NFIA: variants seen among roughly 807,000 people sequenced by gnomAD.
The protein encoded by NFIA is nuclear factor 1 A-type.
A neutral mutation model predicts 62.8 loss-of-function variants in NFIA; 8 were observed. The observed-to-expected ratio is 0.13, with a 90% CI of 0.07 to 0.23. The LOEUF (loss-of-function observed/expected upper bound fraction) is 0.23. Among genes scored for constraint, NFIA ranks in the 10% least tolerant of loss-of-function variants. The pLI is 1.00. For missense variants in NFIA, 410 were observed against 642.1 expected (o/e 0.64, Z 3.91); for synonymous variants, 235 against 238.1 (o/e 0.99, Z 0.12).
chr1:61,091,165 A>AT (rs1231887532), intron 2 of NFIA, among the ~76,000 whole-genome samples: 7 of 151,936 alleles, frequency 4.6e-5, no homozygotes, highest in Non-Finnish European at 5.9e-5. Context: ...AAATTGTTAT[A>AT]TTTTTTTCCT....
chr1:61,346,183 A>G (rs1662218181), intron 4 of NFIA, among the ~76,000 whole-genome samples: 1 of 152,222 alleles, frequency 6.6e-6, no homozygotes, highest in Non-Finnish European at 1.5e-5. Context: ...CCCAGAGTCA[A>G]TTACAAATGG....
intron 9 of NFIA, among the ~76,000 whole-genome samples, chr1:61,408,389 T>C (rs1665948512): frequency 6.7e-6 from 1 of 148,662 alleles, no homozygotes; most frequent in African/African-American, 2.4e-5. Context: ...GCTCGTTGTG[T>C]ATTTATGTAA....
chr1:61,352,641 A>G (rs1662606246), intron 5 of NFIA, 74 bp downstream of exon 5: 4 of 1,171,314 alleles, frequency 3.4e-6, no homozygotes, highest in Non-Finnish European at 5.1e-6. Context: ...TGGGCCCACT[A>G]TGGATTTAGC....
chr1:61,359,768 C>CTT (rs1663182508), intron 6 of NFIA, among the ~76,000 whole-genome samples: 1 of 151,784 alleles, frequency 6.6e-6, no homozygotes, highest in Non-Finnish European at 1.5e-5. Flanking sequence ...TTAGTAGAGA[C>CTT]GGGGTTTCAC....
chr1:61,418,880 T>C (rs1483242880), intron 9 of NFIA, among the ~76,000 whole-genome samples: 1 of 152,236 alleles, frequency 6.6e-6, no homozygotes, highest in East Asian at 1.9e-4. Context: ...GATCTAAGTT[T>C]CTTTTTTTAG....
At chr1:61,269,411 C>T (rs1657378126) in intron 2 of NFIA, among the ~76,000 whole-genome samples, 1 of 152,156 alleles carries the variant, frequency 6.6e-6, no homozygotes, top group Non-Finnish European at 1.5e-5. Context: ...TGATGCAATT[C>T]ACCATTCTGA....
chr1:61,089,695 C>CTTTTTTTTTTTTTTTTT (rs918196815), intron 2 of NFIA, among the ~76,000 whole-genome samples: 5 of 107,768 alleles, frequency 4.6e-5, no homozygotes, highest in East Asian at 2.6e-4. Flanking sequence ...GTTTTTTTTT[C>CTTTTTTTTTTTTTTTTT]TTTTTTTTTT....
intron 10 of NFIA, among the ~76,000 whole-genome samples, chr1:61,451,759 T>C (rs1278051191): frequency 6.6e-6 from 1 of 152,196 alleles, no homozygotes; most frequent in East Asian, 1.9e-4. Flanking sequence ...TATTGCATTG[T>C]AATAATGCCA....
intron 2 of NFIA, among the ~76,000 whole-genome samples, chr1:61,137,668 A>T (rs1056910227): frequency 2.6e-5 from 4 of 152,084 alleles, no homozygotes; most frequent in Non-Finnish European, 4.4e-5. Context: ...AAGCTCCTCT[A>T]GTGATTCCAG....
At chr1:61,326,348 G>T (rs1290569867) in intron 3 of NFIA, among the ~76,000 whole-genome samples, 1 of 152,202 alleles carries the variant, frequency 6.6e-6, no homozygotes, top group Non-Finnish European at 1.5e-5. Flanking sequence ...TTAGTTTGGA[G>T]GGAATATGTG....
intron 3 of NFIA, among the ~76,000 whole-genome samples, chr1:61,319,038 T>A (rs539358789): frequency 8.5e-5 from 13 of 152,272 alleles, no homozygotes; most frequent in African/African-American, 2.6e-4. Flanking sequence ...TTCAGAGCAG[T>A]GTCAGCAAGT....
intron 5 of NFIA, among the ~76,000 whole-genome samples, chr1:61,355,389 T>G (rs1382012496): frequency 1.3e-5 from 2 of 152,150 alleles, no homozygotes; most frequent in African/African-American, 4.8e-5. Flanking sequence ...AGGGTAAACA[T>G]CTTCAAAATC....
intron 2 of NFIA, among the ~76,000 whole-genome samples, chr1:61,143,328 G>GCTA (rs1321429583): frequency 6.6e-6 from 1 of 152,112 alleles, no homozygotes; most frequent in Admixed American, 6.5e-5. Context: ...GTTAATCATA[G>GCTA]CTACCACTTA....
chr1:61,418,234 C>G (rs1666444887), intron 9 of NFIA, among the ~76,000 whole-genome samples: 1 of 152,108 alleles, frequency 6.6e-6, no homozygotes, highest in Non-Finnish European at 1.5e-5. Context: ...GAGGCTGAGA[C>G]AGGAAGATGG....
intron 6 of NFIA, among the ~76,000 whole-genome samples, chr1:61,378,252 T>G (rs183151599): frequency 6.0e-4 from 91 of 152,350 alleles, no homozygotes; most frequent in African/African-American, 1.9e-3. Context: ...GAATTTGAGT[T>G]TTTTTCCCAC....
In NFIA at chr1:61,462,024, G is replaced by GTTTTT. The variant is rs368139522; in HGVS notation, c.*6718_*6722dup. ...ATAGTCTGTAAGTTAGCCTTTTTGG[G>GTTTTT]TTTTTTTTTTTTTTTTTTGGCTTTT... On this transcript the variant is annotated 3_prime_UTR_variant, in exon 11 of 11. Coordinates refer to ENST00000403491, the MANE Select transcript of NFIA (RefSeq NM_001134673.4). The GTTTTT allele has an allele frequency of 4.1e-5, 3 of 73,206 alleles. No individual in the cohort carries two copies. The highest frequency in any genetic ancestry group is 2.0e-4 in the African/African-American group (3 of 14,898). The allele number at this position is 73,206 out of a possible 1,614,324, so 4.5% of individuals were successfully genotyped here. A position where few individuals can be genotyped will look rare whatever the true frequency, so the allele number is the denominator to read the frequency against.
At chr1:61,259,833 A>G (rs970473872) in intron 2 of NFIA, among the ~76,000 whole-genome samples, 2 of 152,214 alleles carry the variant, frequency 1.3e-5, no homozygotes, top group Admixed American at 6.5e-5. Flanking sequence ...AATTTTAATT[A>G]ATGTTTTTAA....
At chr1:61,204,168 T>C (rs1353054775) in intron 2 of NFIA, among the ~76,000 whole-genome samples, 1 of 152,224 alleles carries the variant, frequency 6.6e-6, no homozygotes, top group Non-Finnish European at 1.5e-5. Context: ...CCTGCTTTCC[T>C]CTGGCCCTCT....
intron 3 of NFIA, among the ~76,000 whole-genome samples, chr1:61,292,402 A>G (rs914799045): frequency 9.2e-5 from 14 of 152,204 alleles, no homozygotes; most frequent in Admixed American, 9.2e-4. Context: ...ATACATAATC[A>G]TAAGTTATTC....
Sources: gnomAD v4.1 joint callset for allele counts (sites outside exome capture counted in the v4.1 genomes callset) on GRCh38, gnomAD v4.1.1 for gene constraint, MANE v1.5 for transcripts, NCBI Gene and HGNC (gene_info 2026-07-23, HGNC 2026-07-21) for gene names.